The following TRAPPC9 variants were observed in gnomAD, a reference collection of about 807,000 sequenced individuals.
TRAPPC9 encodes trafficking protein particle complex subunit 9, also known as IKK2 binding protein.
Under a neutral mutation model 124.0 loss-of-function variants are expected in TRAPPC9, and 83 were observed. The observed-to-expected ratio is 0.67, with a 90% CI of 0.56 to 0.80. The LOEUF is 0.80. TRAPPC9 is among the 30% of genes least tolerant of loss of function. TRAPPC9 has a pLI of 0.00. For missense variants in TRAPPC9, 1,302 were observed against 1,508.3 expected (o/e 0.86, Z 2.27); for synonymous variants, 638 against 617.5 (o/e 1.03, Z -0.49).
intron 19 of TRAPPC9, among the ~76,000 whole-genome samples, chr8:139,921,962 C>T (rs1832536485): frequency 6.6e-6 from 1 of 151,888 alleles, no homozygotes. Context: ...GGTGTGCACA[C>T]CTGCCCCTCC....
At chr8:140,207,408 A>G (rs1447500932) in intron 17 of TRAPPC9, among the ~76,000 whole-genome samples, 1 of 152,204 alleles carries the variant, frequency 6.6e-6, no homozygotes, top group Non-Finnish European at 1.5e-5. Context: ...AATGTCACCT[A>G]AATGTCCTTA....
At chr8:139,770,006 G>A (rs1169036607) in intron 21 of TRAPPC9, among the ~76,000 whole-genome samples, 1 of 152,210 alleles carries the variant, frequency 6.6e-6, no homozygotes, top group Non-Finnish European at 1.5e-5. Flanking sequence ...GGCAGGTTTT[G>A]CCACCCGCCA....
chr8:139,989,053 C>T (rs754843228), intron 18 of TRAPPC9, among the ~76,000 whole-genome samples: 1 of 152,174 alleles, frequency 6.6e-6, no homozygotes, highest in South Asian at 2.1e-4. Context: ...ATCAGGTCCT[C>T]CTTGGGCCCG....
At chr8:140,418,596 C>T (rs1180537205) in intron 5 of TRAPPC9, among the ~76,000 whole-genome samples, 1 of 152,184 alleles carries the variant, frequency 6.6e-6, no homozygotes, top group African/African-American at 2.4e-5. Flanking sequence ...TGGCACATGC[C>T]TGTAGTCCCA....
At chr8:140,068,781 AC>A in intron 17 of TRAPPC9, among the ~76,000 whole-genome samples, 1 of 152,246 alleles carries the variant, frequency 6.6e-6, no homozygotes, top group Non-Finnish European at 1.5e-5. Context: ...TTCATTTGGC[AC>A]AACGATATAG....
At chr8:140,441,978 G>A (rs557269852) in intron 2 of TRAPPC9, among the ~76,000 whole-genome samples, 1 of 152,244 alleles carries the variant, frequency 6.6e-6, no homozygotes, top group Admixed American at 6.5e-5. Flanking sequence ...AGACTGCAGT[G>A]AGCCATGATT....
chr8:140,352,118 T>C (rs1424221273), intron 9 of TRAPPC9, among the ~76,000 whole-genome samples: 1 of 151,736 alleles, frequency 6.6e-6, no homozygotes, highest in African/African-American at 2.4e-5. Context: ...TCATAAAACA[T>C]GTGTGTGGAA....
intron 17 of TRAPPC9, among the ~76,000 whole-genome samples, chr8:140,171,489 G>C (rs769314633): frequency 6.6e-6 from 1 of 152,186 alleles, no homozygotes; most frequent in African/African-American, 2.4e-5. Flanking sequence ...TATCCTCTAA[G>C]TCATTGAGGG....
intron 21 of TRAPPC9, among the ~76,000 whole-genome samples, chr8:139,872,357 T>TA (rs1285542949): frequency 2.1e-5 from 2 of 97,498 alleles, no homozygotes; most frequent in Non-Finnish European, 5.3e-5. Flanking sequence ...GGCTGGTGGA[T>TA]GGGTTGATGG....
chr8:139,764,427 T>A (rs1046731307), intron 21 of TRAPPC9, among the ~76,000 whole-genome samples: 1 of 152,184 alleles, frequency 6.6e-6, no homozygotes, highest in Non-Finnish European at 1.5e-5. Context: ...TGCAAAGCTG[T>A]GTCCCAGAGG....
intron 19 of TRAPPC9, among the ~76,000 whole-genome samples, chr8:139,923,412 C>T (rs925629996): frequency 2.0e-5 from 3 of 152,216 alleles, no homozygotes; most frequent in Admixed American, 1.3e-4. Flanking sequence ...CACATGGGAG[C>T]TGCACGGGCC....
chr8:139,813,934 C>A (rs1242600385), intron 21 of TRAPPC9, among the ~76,000 whole-genome samples: 1 of 152,156 alleles, frequency 6.6e-6, no homozygotes, highest in Non-Finnish European at 1.5e-5. Flanking sequence ...ATGTGGCTCA[C>A]AGAAGACAGA....
chr8:140,304,979 G>T (rs1346903423), intron 10 of TRAPPC9, among the ~76,000 whole-genome samples: 1 of 152,176 alleles, frequency 6.6e-6, no homozygotes, highest in Non-Finnish European at 1.5e-5. Context: ...TCAGACACCT[G>T]CCTAGATCTT....
chr8:140,169,825 CCTCCCGGG>C (rs2061931206), intron 17 of TRAPPC9, among the ~76,000 whole-genome samples: 2 of 152,056 alleles, frequency 1.3e-5, no homozygotes, highest in African/African-American at 2.4e-5. Flanking sequence ...GTACCCTCAA[CCTCCCGGG>C]CTCAACTGAT....
At chr8:139,862,911 C>T (rs748249487) in intron 21 of TRAPPC9, among the ~76,000 whole-genome samples, 37 of 152,332 alleles carry the variant, frequency 2.4e-4, no homozygotes, top group Non-Finnish European at 4.4e-4. Context: ...CGCCACCTTT[C>T]GATCCGGTGG....
Position 140,231,967 on chromosome 8 carries a change from T to A in TRAPPC9, c.2432-10384A>T, listed in dbSNP as rs189142378. 8.3e-4 allele frequency among the ~76,000 whole-genome samples: 126 copies of A among 152,148 alleles called. 1 individual carries two copies. Among genetic ancestry groups the A allele is most frequent in the Middle Eastern group, 6.8e-3 (2 of 294 alleles). ...CATTTAGCAGTTAGTAGAGACAGGGTTTTGACACATTGACCAGGCTGGTCT... is the reference window on the plus strand; with the variant it reads ...CATTTAGCAGTTAGTAGAGACAGGGATTTGACACATTGACCAGGCTGGTCT... On this transcript the variant is annotated intron_variant, in intron 16 of 22. Coordinates refer to ENST00000438773, the MANE Select transcript of TRAPPC9 (RefSeq NM_001160372.4).
chr8:140,036,484 C>T (rs1021197222), intron 17 of TRAPPC9, among the ~76,000 whole-genome samples: 5 of 135,518 alleles, frequency 3.7e-5, no homozygotes, highest in African/African-American at 1.1e-4. Flanking sequence ...GATTCTTGAC[C>T]GAAAAAAAAT....
intron 21 of TRAPPC9, among the ~76,000 whole-genome samples, chr8:139,803,312 G>A (rs1823691745): frequency 6.6e-6 from 1 of 152,238 alleles, no homozygotes; most frequent in African/African-American, 2.4e-5. Flanking sequence ...GGAAACTCTA[G>A]AGCGGCGAGT....
intron 9 of TRAPPC9, among the ~76,000 whole-genome samples, chr8:140,327,913 T>C (rs80169892): frequency 0.025 from 3,744 of 152,326 alleles, 64 homozygotes; most frequent in Non-Finnish European, 0.04. Flanking sequence ...AAAGGGTACA[T>C]TTTGTGTTGT....
Sources: allele counts gnomAD v4.1 joint callset (sites outside exome capture counted in the v4.1 genomes callset), GRCh38; gene constraint gnomAD v4.1.1; transcripts MANE v1.5; gene names NCBI Gene and HGNC (gene_info 2026-07-23, HGNC 2026-07-21).